Variants in PLPPR5 observed in about 807,000 individuals in gnomAD.
PLPPR5 encodes phospholipid phosphatase-related protein type 5.
A neutral mutation model predicts 33.9 loss-of-function variants in PLPPR5; 16 were observed. The observed-to-expected ratio is 0.47, with a 90% CI of 0.32 to 0.72. PLPPR5 has a LOEUF of 0.72. PLPPR5 is among the 30% of genes least tolerant of loss of function. PLPPR5 has a pLI of 0.03. For missense variants in PLPPR5, 301 were observed against 406.7 expected (o/e 0.74, Z 2.23); for synonymous variants, 163 against 150.3 (o/e 1.08, Z -0.62).
At chr1:98,895,205 T>G (rs1472083412) in intron 5 of PLPPR5, among the ~76,000 whole-genome samples, 1 of 152,030 alleles carries the variant, frequency 6.6e-6, no homozygotes, top group Non-Finnish European at 1.5e-5. Context: ...AATGAATTAA[T>G]GTCCTTATCA....
intron 5 of PLPPR5, among the ~76,000 whole-genome samples, chr1:98,899,558 A>T (rs1328787114): frequency 6.6e-6 from 1 of 152,172 alleles, no homozygotes; most frequent in African/African-American, 2.4e-5. Flanking sequence ...TTTGAATTCA[A>T]GCCTTTTGAC....
intron 5 of PLPPR5, among the ~76,000 whole-genome samples, chr1:98,894,175 G>A (rs773408282): frequency 9.2e-5 from 14 of 151,978 alleles, no homozygotes; most frequent in Admixed American, 7.9e-4. Context: ...AAATTAGTAC[G>A]AATCAGGAGT....
intron 5 of PLPPR5, among the ~76,000 whole-genome samples, chr1:98,902,300 T>C (rs1033805419): frequency 1.3e-5 from 2 of 152,228 alleles, no homozygotes; most frequent in African/African-American, 2.4e-5. Context: ...CAATAAAATA[T>C]ACAGGGAAAT....
chr1:98,901,615 T>C (rs999805529), intron 5 of PLPPR5, among the ~76,000 whole-genome samples: 1 of 152,106 alleles, frequency 6.6e-6, no homozygotes, highest in Non-Finnish European at 1.5e-5. Context: ...TTGAAAAATA[T>C]TCAAAAATAT....
At chr1:98,954,464 A>G (rs1029897752) in intron 2 of PLPPR5, among the ~76,000 whole-genome samples, 2 of 152,124 alleles carry the variant, frequency 1.3e-5, no homozygotes, top group African/African-American at 4.8e-5. Context: ...CCTTTTCATC[A>G]TTATTGGCTG....
chr1:99,003,127 C>T (rs1045504550), intron 1 of PLPPR5, among the ~76,000 whole-genome samples: 5 of 143,254 alleles, frequency 3.5e-5, no homozygotes, highest in Non-Finnish European at 7.5e-5. Flanking sequence ...AGGTCTAACA[C>T]ATTTCAAACC....
intron 5 of PLPPR5, among the ~76,000 whole-genome samples, chr1:98,913,644 T>G (rs746637478): frequency 6.6e-6 from 1 of 152,254 alleles, no homozygotes; most frequent in Non-Finnish European, 1.5e-5. Flanking sequence ...TGAAGAATTT[T>G]TATTCCTTCA....
intron 1 of PLPPR5, among the ~76,000 whole-genome samples, chr1:98,978,155 G>T (rs1381465849): frequency 6.6e-6 from 1 of 151,930 alleles, no homozygotes; most frequent in Admixed American, 6.6e-5. Context: ...CTCTATCTTT[G>T]TATCACTAGA....
At chr1:98,952,386 A>G (rs1650823263) in intron 3 of PLPPR5, among the ~76,000 whole-genome samples, 3 of 152,022 alleles carry the variant, frequency 2.0e-5, no homozygotes, top group Non-Finnish European at 4.4e-5. Context: ...GGAGAGGCTG[A>G]TGGTACCATT....
intron 1 of PLPPR5, among the ~76,000 whole-genome samples, chr1:98,992,896 AT>A (rs1194669721): frequency 6.6e-6 from 1 of 152,126 alleles, no homozygotes; most frequent in African/African-American, 2.4e-5. Context: ...GAGAAGGGCC[AT>A]CCCTGTATTA....
chr1:98,929,490 C>T (rs1649889792), intron 3 of PLPPR5, among the ~76,000 whole-genome samples: 3 of 152,114 alleles, frequency 2.0e-5, no homozygotes, highest in Admixed American at 2.0e-4. Flanking sequence ...CAGAATTTAT[C>T]CTGTAGCTGA....
Position 98,995,650 on chromosome 1 carries a change from T to C in PLPPR5, c.237+8785A>G, listed in dbSNP as rs1445350951. Reference sequence around the variant, plus strand: ...CAGTTTCTGCTTGGAGCATGTCAACTTGGGGACCCAGAATCCCACTGTGGC... The same window carrying C: ...CAGTTTCTGCTTGGAGCATGTCAACCTGGGGACCCAGAATCCCACTGTGGC... On this transcript the variant is annotated intron_variant, in intron 1 of 5. Transcript: ENST00000263177. Among the ~76,000 whole-genome samples, 4 of 151,998 alleles carry C rather than the reference T, an allele frequency of 2.6e-5. No individual in the cohort carries two copies. In the South Asian group the frequency reaches 8.4e-4, roughly 32 times the overall value.
At chr1:99,003,530 C>A (rs1448160384) in intron 1 of PLPPR5, among the ~76,000 whole-genome samples, 3 of 152,092 alleles carry the variant, frequency 2.0e-5, no homozygotes, top group Non-Finnish European at 4.4e-5. Context: ...GAAACACCAA[C>A]AATTCTCCTA....
chr1:98,962,541 C>T (rs558715597), intron 1 of PLPPR5, among the ~76,000 whole-genome samples: 1 of 152,286 alleles, frequency 6.6e-6, no homozygotes, highest in East Asian at 1.9e-4. Context: ...TTTTTTCCTG[C>T]ATTAAAGCAT....
chr1:98,987,403 T>C (rs1485550833), intron 1 of PLPPR5, among the ~76,000 whole-genome samples: 1 of 151,910 alleles, frequency 6.6e-6, no homozygotes, highest in Non-Finnish European at 1.5e-5. Context: ...AAAAATCTGA[T>C]CTGTTATTAG....
chr1:98,945,992 C>T (rs1650533942), intron 3 of PLPPR5, among the ~76,000 whole-genome samples: 1 of 152,134 alleles, frequency 6.6e-6, no homozygotes, highest in African/African-American at 2.4e-5. Context: ...CTCAGAGTCC[C>T]AGCTTACTCC....
At chr1:98,910,274 C>T (rs184148750) in intron 5 of PLPPR5, among the ~76,000 whole-genome samples, 18 of 152,306 alleles carry the variant, frequency 1.2e-4, no homozygotes, top group Non-Finnish European at 2.5e-4. Context: ...CGTCTAATGT[C>T]ACTCTCCAAC....
At chr1:98,907,486 AC>A (rs1648951779) in intron 5 of PLPPR5, among the ~76,000 whole-genome samples, 1 of 151,912 alleles carries the variant, frequency 6.6e-6, no homozygotes, top group South Asian at 2.1e-4. Flanking sequence ...GAGCCACCGC[AC>A]CCAGCCAAAT....
chr1:98,934,031 AG>A (rs1412464682), intron 3 of PLPPR5, among the ~76,000 whole-genome samples: 2 of 152,188 alleles, frequency 1.3e-5, no homozygotes, highest in Admixed American at 1.3e-4. Context: ...GCACCAGGGG[AG>A]GAAGACAACA....
Sources: allele counts gnomAD v4.1 joint callset (sites outside exome capture counted in the v4.1 genomes callset), GRCh38; gene constraint gnomAD v4.1.1; transcripts MANE v1.5; gene names NCBI Gene and HGNC (gene_info 2026-07-23, HGNC 2026-07-21).